The following PHF12 variants were observed in gnomAD, a reference collection of about 807,000 sequenced individuals.
PHF12 encodes PHD factor 1.
A neutral mutation model predicts 99.8 loss-of-function variants in PHF12; 6 were observed. That is an observed-to-expected ratio of 0.06 (90% confidence interval 0.03 to 0.12). PHF12 has a LOEUF of 0.12. PHF12 is among the 10% of genes least tolerant of loss of function. PHF12 has a pLI of 1.00. For synonymous variants in PHF12, 480 were observed against 514.9 expected (o/e 0.93, Z 0.92); for missense variants, 954 against 1,300.1 (o/e 0.73, Z 4.09).
At chr17:28,940,509 C>A (rs1174034552) in intron 2 of PHF12, among the ~76,000 whole-genome samples, 2 of 152,210 alleles carry the variant, frequency 1.3e-5, no homozygotes, top group African/African-American at 2.4e-5. Context: ...ATGTAGTAGT[C>A]AAGTTCCTTC....
intron 3 of PHF12, chr17:28,926,768 G>C (rs2040281783): frequency 2.0e-6 from 3 of 1,509,800 alleles, no homozygotes; most frequent in Middle Eastern, 3.4e-4. Context: ...ACATGGCTCA[G>C]TAAGTTAACA....
rs554899628 is a variant in PHF12, at chr17:28,948,247, G to C, written c.248+1818C>G. On this transcript the variant is annotated intron_variant, in intron 2 of 14. Coordinates refer to ENST00000332830, the MANE Select transcript of PHF12 (RefSeq NM_001033561.2). ...GACGTAAGCCCACATTTTAAATCAA[G>C]AAGTCTACAACTCAGTCCTGGTATA... Among the ~76,000 whole-genome samples the C allele has an allele frequency of 7.9e-5, 12 of 152,282 alleles. No homozygotes were observed. The South Asian group carries it at 1.4e-3, about 18-fold the overall frequency.
At chr17:28,943,466 C>T (rs1422991660) in intron 2 of PHF12, among the ~76,000 whole-genome samples, 1 of 152,096 alleles carries the variant, frequency 6.6e-6, no homozygotes, top group African/African-American at 2.4e-5. Context: ...CCCGTTTCTA[C>T]TAAAATTACA....
Position 28,912,813 on chromosome 17 carries a change from C to A in PHF12, c.1758G>T (p.Thr586=). Residue 586 remains threonine (T), a synonymous_variant, in exon 9 of 15, where the codon ACG becomes ACT. Coordinates refer to ENST00000332830, the MANE Select transcript of PHF12 (RefSeq NM_001033561.2). Reference sequence around the variant, plus strand: ...TCTGAAGGCCCCCAGCCGCTGGTGGCGTGAGGGGCCGGGGCCAGCCTTGCC... The same window carrying A: ...TCTGAAGGCCCCCAGCCGCTGGTGGAGTGAGGGGCCGGGGCCAGCCTTGCC... The part of the protein sequence containing the change: ...SHRQGWPRPL[T]PPAAGGLQNH... 1 of 1,607,786 alleles carries A rather than the reference C, an allele frequency of 6.2e-7. No individual in the cohort carries two copies. Among genetic ancestry groups the A allele is most frequent in the Non-Finnish European group, 8.5e-7 (1 of 1,176,076 alleles).
chr17:28,951,031 G>T lies in PHF12; in HGVS notation c.-71C>A. ...CCCCGGGGGGAGGGGGGAGGTGAGG[G>T]GAGGGGGCGCTCCTGACCCCGGCCC... On this transcript the variant is annotated 5_prime_UTR_variant, in exon 1 of 15. Transcript: ENST00000332830. 1.2e-6 allele frequency: 2 copies of T among 1,606,360 alleles called. No homozygotes were observed. Among genetic ancestry groups the T allele is most frequent in the Middle Eastern group, 1.7e-4 (1 of 6,040 alleles).
intron 3 of PHF12, chr17:28,924,648 G>C (rs1027286007): frequency 2.9e-6 from 1 of 343,848 alleles, no homozygotes; most frequent in Non-Finnish European, 5.6e-6. Flanking sequence ...AATTTAGTGA[G>C]ACCAATAGTA....
Position 28,913,992 on chromosome 17 carries a change from T to A in PHF12, c.1180A>T (p.Ile394Phe). Residue 394 changes from isoleucine to phenylalanine, a missense_variant, in exon 8 of 15, where the codon ATT (isoleucine) becomes TTT (phenylalanine). By Grantham distance (21) the Ile-to-Phe change is conservative (BLOSUM62 0). Transcript: ENST00000332830. ...CCGTCCCGAATGGCCGCGGGTGCAATGAGAGGGGGTGGAAACTGGTACTGA... is the reference window on the plus strand; with the variant it reads ...CCGTCCCGAATGGCCGCGGGTGCAAAGAGAGGGGGTGGAAACTGGTACTGA... ...KSQYQFPPPLIAPAAIRDGEL... is the reference protein window; with the variant it reads ...KSQYQFPPPLFAPAAIRDGEL... 1 of 1,613,230 alleles carries A rather than the reference T, an allele frequency of 6.2e-7. No homozygotes were observed.
intron 6 of PHF12, among the ~76,000 whole-genome samples, chr17:28,918,545 C>G (rs548048857): frequency 3.9e-5 from 6 of 152,364 alleles, no homozygotes; most frequent in Non-Finnish European, 7.3e-5. Flanking sequence ...TAAGCAGTAG[C>G]CTTTTTAATT....
rs1289877485 is a variant in PHF12, at chr17:28,905,626, A to G, written c.*557T>C. The G allele has an allele frequency of 6.5e-6, 1 of 152,714 alleles. No homozygotes were observed. Among genetic ancestry groups the G allele is most frequent in the Non-Finnish European group, 1.5e-5 (1 of 68,096 alleles). 9.5% of individuals were successfully genotyped at this position (152,714 alleles called of 1,614,324 possible). On this transcript the variant is annotated 3_prime_UTR_variant, in exon 15 of 15. Coordinates refer to ENST00000332830, the MANE Select transcript of PHF12 (RefSeq NM_001033561.2). ...AATTCATTTCTCATTTGTCCATAAT[A>G]CACAGTAGCTACCTGTAGTGCAACC...
intron 2 of PHF12, among the ~76,000 whole-genome samples, chr17:28,932,541 A>AT (rs2040432339): frequency 1.3e-5 from 2 of 152,180 alleles, no homozygotes; most frequent in South Asian, 4.1e-4. Context: ...TTTGCTCCAT[A>AT]TCAGAAATAC....
intron 3 of PHF12, 118 bp from the exon 4 acceptor site, chr17:28,924,420 C>T (rs776883622): frequency 2.2e-6 from 3 of 1,359,054 alleles, no homozygotes; most frequent in Non-Finnish European, 3.1e-6. Context: ...ATATCACAGA[C>T]TCATCTACCT....
intron 7 of PHF12, among the ~76,000 whole-genome samples, chr17:28,915,254 T>C (rs1242517558): frequency 6.6e-6 from 1 of 152,132 alleles, no homozygotes; most frequent in Non-Finnish European, 1.5e-5. Context: ...TTGGAAAACA[T>C]CCAGAGAACC....
At chr17:28,917,586 A>C (rs2040085620) in intron 6 of PHF12, 137 bp from the exon 7 acceptor site, 3 of 905,880 alleles carry the variant, frequency 3.3e-6, no homozygotes, top group Admixed American at 5.9e-5. Context: ...GGATGTCGGC[A>C]CTCTTTGTCA....
rs559825629 is a variant in PHF12, at chr17:28,912,994, G to A, written c.1577C>T (p.Ala526Val). 1.1e-5 allele frequency: 18 copies of A among 1,614,190 alleles called. No individual in the cohort carries two copies. The highest frequency in any genetic ancestry group is 6.7e-5 in the East Asian group (3 of 44,878). ...ACAAGGGGTTTTCTTGGATTTTTCCGCACAAGAACTGCAGCCGATGTCCTC... is the reference window on the plus strand; with the variant it reads ...ACAAGGGGTTTTCTTGGATTTTTCCACACAAGAACTGCAGCCGATGTCCTC... ...ALEDIGCSSC[A>V]EKSKKTPCGT... The change falls in exon 9 of 15, where the codon GCG becomes GTG. Residue 526 changes from alanine to valine, a missense_variant. By Grantham distance (64) the Ala-to-Val change is moderately conservative. Around this residue, in one of 8 missense-constraint regions of PHF12, gnomAD observed 392 missense variants for 423.1 expected, o/e 0.93. Coordinates refer to ENST00000332830, the MANE Select transcript of PHF12 (RefSeq NM_001033561.2).
intron 4 of PHF12, among the ~76,000 whole-genome samples, chr17:28,922,258 TTTTTA>T (rs1381131878): frequency 6.6e-6 from 1 of 152,134 alleles, no homozygotes; most frequent in East Asian, 1.9e-4. Flanking sequence ...TCAGCTAACT[TTTTTA>T]TTTTTATTTT....
chr17:28,950,361 T>C lies in PHF12; in HGVS notation c.67-115A>G. 8.4e-7 allele frequency: 1 copy of C among 1,189,882 alleles called. No individual in the cohort carries two copies. The highest frequency in any genetic ancestry group is 1.1e-6 in the Non-Finnish European group (1 of 869,696). 73.7% of individuals were successfully genotyped at this position (1,189,882 alleles called of 1,614,324 possible). On this transcript the variant is annotated intron_variant, in intron 1 of 14. Coordinates refer to ENST00000332830, the MANE Select transcript of PHF12 (RefSeq NM_001033561.2). This position sits in a 1 kb window ranked among gnomAD's most constrained non-coding sequence, Gnocchi z 5.7. ...CTCTCCCCCCTTTTGTCCTTCTTCC[T>C]CCCATCCAGGCTGCTCCCAGAATCT... is the stretch of plus-strand genomic sequence containing the variant.
Position 28,950,131 on chromosome 17 carries a change from C to T in PHF12, c.182G>A (p.Ser61Asn). Reference sequence around the variant, plus strand: ...CAGGAGATCTCCACCTTCCTTGCAGCTATCGCAGCTGTCGTGGTTGGTGGC... The same window carrying T: ...CAGGAGATCTCCACCTTCCTTGCAGTTATCGCAGCTGTCGTGGTTGGTGGC... ...GRATNHDSCD[S>N]CKEGGDLLCC... is the part of the protein sequence containing the mutation. The change falls in exon 2 of 15, where the codon AGC becomes AAC. Residue 61 changes from serine to asparagine, a missense_variant. Ser to Asn is a conservative substitution (Grantham distance 46). Coordinates refer to ENST00000332830, the MANE Select transcript of PHF12 (RefSeq NM_001033561.2). The surrounding 1 kb of genome is among the most constrained non-coding windows in gnomAD (Gnocchi z 5.7). The T allele has an allele frequency of 6.2e-7, 1 of 1,614,050 alleles. No individual in the cohort carries two copies. Among genetic ancestry groups the T allele is most frequent in the Non-Finnish European group, 8.5e-7 (1 of 1,180,026 alleles).
chr17:28,923,829 C>T (rs2040215058), intron 4 of PHF12, 80 bp downstream of exon 4: 3 of 1,466,122 alleles, frequency 2.0e-6, no homozygotes, highest in Non-Finnish European at 2.7e-6. Flanking sequence ...TGAACAGTGA[C>T]TCCACAGGCA....
chr17:28,914,072 A>G (rs757786777), intron 7 of PHF12, 35 bp from the exon 8 acceptor site: 2 of 1,563,648 alleles, frequency 1.3e-6, no homozygotes, highest in Admixed American at 3.4e-5. Context: ...AAGGAGAGGG[A>G]GATAGTTCCA....
Sources: gnomAD v4.1 joint callset for allele counts (sites outside exome capture counted in the v4.1 genomes callset) on GRCh38, gnomAD v4.1.1 for gene constraint, gnomAD v4.1.1 regional missense constraint, Gnocchi (gnomAD v3.1) non-coding constraint, MANE v1.5 for transcripts, NCBI Gene and HGNC (gene_info 2026-07-23, HGNC 2026-07-21) for gene names.